The following HS3ST3A1 variants were observed in gnomAD, a reference collection of about 807,000 sequenced individuals.
HS3ST3A1 encodes heparan sulfate-glucosamine 3-sulfotransferase 3A1, also known as heparan sulfate glucosamine 3-O-sulfotransferase 3A1.
In HS3ST3A1, 19 loss-of-function variants were observed where a neutral mutation model predicts 25.7. The observed-to-expected ratio is 0.74, with a 90% confidence interval of 0.52 to 1.08. The LOEUF is 1.08. HS3ST3A1 is among the 50% of genes least tolerant of loss of function. The pLI is 0.00. For synonymous variants in HS3ST3A1, 226 were observed against 278.6 expected, an observed-to-expected ratio of 0.81 and a Z score of 1.88; for missense variants, 459 against 594.3, an observed-to-expected ratio of 0.77 and a Z score of 2.37.
intron 1 of HS3ST3A1, among the ~76,000 whole-genome samples, chr17:13,537,650 C>T (rs748476528): frequency 3.3e-5 from 5 of 152,192 alleles, no homozygotes; most frequent in Non-Finnish European, 7.3e-5. Flanking sequence ...GTGGCCAAAC[C>T]TTGGGTAGAA....
intron 1 of HS3ST3A1, among the ~76,000 whole-genome samples, chr17:13,550,408 G>T (rs1352381245): frequency 6.6e-6 from 1 of 151,888 alleles, no homozygotes; most frequent in Non-Finnish European, 1.5e-5. Context: ...TCTTAGTCTG[G>T]TCTTTGGAAA....
intron 1 of HS3ST3A1, among the ~76,000 whole-genome samples, chr17:13,503,082 G>T (rs1023425154): frequency 8.0e-5 from 12 of 150,690 alleles, no homozygotes; most frequent in African/African-American, 2.9e-4. Context: ...AGAGGCTGAG[G>T]CAGAATCGCT....
chr17:13,582,455 A>G (rs534080779), intron 1 of HS3ST3A1, among the ~76,000 whole-genome samples: 1 of 152,362 alleles, frequency 6.6e-6, no homozygotes, highest in South Asian at 2.1e-4. Context: ...ATACTATGAT[A>G]ATAGGAATAC....
At chr17:13,599,360 T>C (rs1296452345) in intron 1 of HS3ST3A1, among the ~76,000 whole-genome samples, 1 of 152,240 alleles carries the variant, frequency 6.6e-6, no homozygotes, top group Non-Finnish European at 1.5e-5. Context: ...GAAATCAATC[T>C]GAGACTGCAA....
At chr17:13,569,362 G>A (rs1907748132) in intron 1 of HS3ST3A1, among the ~76,000 whole-genome samples, 1 of 152,162 alleles carries the variant, frequency 6.6e-6, no homozygotes, top group Admixed American at 6.5e-5. Context: ...TCTTTCTTCA[G>A]CTCAGTCCCT....
At chr17:13,546,841 G>A (rs1907103102) in intron 1 of HS3ST3A1, among the ~76,000 whole-genome samples, 1 of 152,176 alleles carries the variant, frequency 6.6e-6, no homozygotes, top group Admixed American at 6.5e-5. Context: ...AAATACTTGT[G>A]TCATGATAAA....
chr17:13,568,117 A>G (rs1907720499), intron 1 of HS3ST3A1, among the ~76,000 whole-genome samples: 1 of 152,222 alleles, frequency 6.6e-6, no homozygotes, highest in Non-Finnish European at 1.5e-5. Flanking sequence ...TATCCTGATT[A>G]GTCAGCAGCC....
chr17:13,556,706 G>A (rs1034780465), intron 1 of HS3ST3A1, among the ~76,000 whole-genome samples: 1 of 151,586 alleles, frequency 6.6e-6, no homozygotes, highest in African/African-American at 2.4e-5. Context: ...ACAAAAATTA[G>A]TCAGGCGTGG....
In HS3ST3A1 at chr17:13,600,585, C is replaced by T. The variant is rs765781515; in HGVS notation, c.545G>A (p.Gly182Asp). Reference protein sequence around the residue: ...LRVHPDVRAVGAEPHFFDRSY... With the variant: ...LRVHPDVRAVDAEPHFFDRSY... ...GCGGTCGAAGAAGTGGGGCTCGGCG[C>T]CCACGGCGCGCACGTCGGGGTGCAC... Residue 182 changes from glycine to aspartate, a missense_variant, in exon 1 of 2, where the codon GGC becomes GAC. Transcript: ENST00000284110. The T allele has an allele frequency of 6.2e-7, 1 of 1,601,432 alleles. No homozygotes were observed. The highest frequency in any genetic ancestry group is 8.5e-7 in the Non-Finnish European group (1 of 1,178,346).
At chr17:13,507,947 T>C (rs964018096) in intron 1 of HS3ST3A1, among the ~76,000 whole-genome samples, 2 of 152,248 alleles carry the variant, frequency 1.3e-5, no homozygotes, top group Non-Finnish European at 2.9e-5. Flanking sequence ...CTTTTCCTGC[T>C]GTTGTTATGT....
At chr17:13,565,362 T>A (rs1907651552) in intron 1 of HS3ST3A1, among the ~76,000 whole-genome samples, 1 of 151,906 alleles carries the variant, frequency 6.6e-6, no homozygotes, top group South Asian at 2.1e-4. Flanking sequence ...TGAATCCCCA[T>A]CTCTACAAAA....
intron 1 of HS3ST3A1, among the ~76,000 whole-genome samples, chr17:13,538,366 A>G (rs1906830404): frequency 6.6e-6 from 1 of 152,232 alleles, no homozygotes; most frequent in Non-Finnish European, 1.5e-5. Flanking sequence ...TTTGCAAGTC[A>G]TCAAGGTTGT....
At chr17:13,562,503 G>A (rs1282783393) in intron 1 of HS3ST3A1, among the ~76,000 whole-genome samples, 2 of 152,014 alleles carry the variant, frequency 1.3e-5, no homozygotes, top group African/African-American at 4.8e-5. Context: ...TACATCCTGG[G>A]ATTGAATGGC....
At chr17:13,509,813 C>G (rs1905803865) in intron 1 of HS3ST3A1, among the ~76,000 whole-genome samples, 1 of 152,186 alleles carries the variant, frequency 6.6e-6, no homozygotes, top group South Asian at 2.1e-4. Context: ...GGGGCTTGTC[C>G]TAAGTCATTC....
intron 1 of HS3ST3A1, among the ~76,000 whole-genome samples, chr17:13,513,721 A>G (rs1420007655): frequency 6.6e-6 from 1 of 152,206 alleles, no homozygotes; most frequent in Non-Finnish European, 1.5e-5. Context: ...ATGAAATGCC[A>G]TAAAGTGTTT....
chr17:13,573,666 T>C (rs1034131290), intron 1 of HS3ST3A1, among the ~76,000 whole-genome samples: 7 of 152,220 alleles, frequency 4.6e-5, no homozygotes, highest in African/African-American at 1.7e-4. Context: ...AACATGTGAC[T>C]GAGCTCAATG....
At chr17:13,555,189 G>C (rs1011708440) in intron 1 of HS3ST3A1, among the ~76,000 whole-genome samples, 1 of 152,062 alleles carries the variant, frequency 6.6e-6, no homozygotes. Flanking sequence ...CTCCCGCTGG[G>C]TGGGCCTTTT....
intron 1 of HS3ST3A1, among the ~76,000 whole-genome samples, chr17:13,525,951 T>C (rs1028680009): frequency 6.6e-6 from 1 of 152,058 alleles, no homozygotes; most frequent in Non-Finnish European, 1.5e-5. Flanking sequence ...GCACAGGAAC[T>C]GGTATGCCAA....
At chr17:13,591,462 T>C (rs987013009) in intron 1 of HS3ST3A1, among the ~76,000 whole-genome samples, 2 of 152,118 alleles carry the variant, frequency 1.3e-5, no homozygotes, top group Non-Finnish European at 1.5e-5. Flanking sequence ...TGACACAAGA[T>C]TTCTAATATG....
Sources: gnomAD v4.1 joint callset for allele counts (sites outside exome capture counted in the v4.1 genomes callset) on GRCh38, gnomAD v4.1.1 for gene constraint, MANE v1.5 for transcripts, NCBI Gene and HGNC (gene_info 2026-07-23, HGNC 2026-07-21) for gene names.